PPM1L: variants seen among roughly 807,000 people sequenced by gnomAD.
PPM1L encodes the protein protein phosphatase 1L.
In PPM1L, 13 loss-of-function variants were observed where a neutral mutation model predicts 31.4. The ratio of observed to expected loss-of-function variants is 0.41; its 90% CI spans 0.27 to 0.66. PPM1L has a LOEUF of 0.66. Among genes scored for constraint, PPM1L ranks in the 30% least tolerant of loss-of-function variants. The pLI, the probability that PPM1L is intolerant of heterozygous loss-of-function variation, is 0.29. For synonymous variants in PPM1L, 184 were observed against 175.4 expected (o/e 1.05, Z -0.39); for missense variants, 326 against 453.7 (o/e 0.72, Z 2.56).
chr3:160,885,447 A>G (rs564292463), intron 1 of PPM1L, among the ~76,000 whole-genome samples: 1 of 152,324 alleles, frequency 6.6e-6, no homozygotes, highest in South Asian at 2.1e-4. Context: ...GCCAACTACA[A>G]ACAGTGGTGA....
chr3:160,878,632 CA>C (rs1165700203), intron 1 of PPM1L, among the ~76,000 whole-genome samples: 2 of 152,180 alleles, frequency 1.3e-5, no homozygotes, highest in Non-Finnish European at 2.9e-5. Context: ...AGGGTTTCAT[CA>C]TATGAATTTT....
intron 1 of PPM1L, among the ~76,000 whole-genome samples, chr3:160,912,564 G>A (rs546163820): frequency 2.0e-5 from 3 of 152,248 alleles, no homozygotes; most frequent in South Asian, 2.1e-4. Flanking sequence ...CTTTTACTAA[G>A]GTCTGAAATG....
rs1265895269 is a variant in PPM1L, at chr3:161,070,629, C to CA, written c.*1475dup. 2 of 152,172 alleles carry CA rather than the reference C, an allele frequency of 1.3e-5. No individual in the cohort carries two copies. Among genetic ancestry groups the CA allele is most frequent in the African/African-American group, 4.8e-5 (2 of 41,448 alleles). The allele number at this position is 152,172 out of a possible 1,614,324, so 9.4% of individuals were successfully genotyped here. ...GTCACTCTCTTTGCCTAAGGTGACTCAAACAGCCAAACGAAACTTCCGTTG... is the reference window on the plus strand; with the variant it reads ...GTCACTCTCTTTGCCTAAGGTGACTCAAAACAGCCAAACGAAACTTCCGTTG... On this transcript the variant is annotated 3_prime_UTR_variant, in exon 4 of 4. Transcript: ENST00000498165.
At chr3:160,881,970 G>A (rs1712735797) in intron 1 of PPM1L, among the ~76,000 whole-genome samples, 1 of 151,508 alleles carries the variant, frequency 6.6e-6, no homozygotes, top group Non-Finnish European at 1.5e-5. Context: ...AGAATGGTGT[G>A]AACTCGGGAA....
chr3:161,051,400 AC>A (rs1369472765), intron 2 of PPM1L, among the ~76,000 whole-genome samples: 6 of 151,974 alleles, frequency 3.9e-5, no homozygotes, highest in African/African-American at 1.2e-4. Flanking sequence ...ACACACACAC[AC>A]ACAACCATCC....
At chr3:160,757,651 C>T (rs1381083001) in intron 1 of PPM1L, among the ~76,000 whole-genome samples, 1 of 152,240 alleles carries the variant, frequency 6.6e-6, no homozygotes, top group Non-Finnish European at 1.5e-5. Flanking sequence ...CGCCATGCTC[C>T]AAAGAACACT....
At chr3:161,059,452 G>T (rs1040544376) in intron 2 of PPM1L, among the ~76,000 whole-genome samples, 3 of 152,158 alleles carry the variant, frequency 2.0e-5, no homozygotes, top group African/African-American at 7.2e-5. Flanking sequence ...GGACAATGGT[G>T]TTGTCCATTG....
At chr3:161,023,893 C>T (rs1718304393) in intron 2 of PPM1L, among the ~76,000 whole-genome samples, 1 of 152,066 alleles carries the variant, frequency 6.6e-6, no homozygotes, top group Non-Finnish European at 1.5e-5. Flanking sequence ...GTCTTTTCTG[C>T]ACATGCACAC....
At chr3:160,920,445 C>A (rs1161922869) in intron 1 of PPM1L, among the ~76,000 whole-genome samples, 1 of 152,060 alleles carries the variant, frequency 6.6e-6, no homozygotes, top group Non-Finnish European at 1.5e-5. Flanking sequence ...ACCTGAAGAC[C>A]ACCAAAGCCT....
intron 1 of PPM1L, among the ~76,000 whole-genome samples, chr3:160,899,443 A>G (rs1244378896): frequency 6.6e-6 from 1 of 152,212 alleles, no homozygotes; most frequent in Non-Finnish European, 1.5e-5. Context: ...TTAATTCCAA[A>G]TAGAAGGCAC....
At chr3:160,865,290 C>T (rs77647834) in intron 1 of PPM1L, among the ~76,000 whole-genome samples, 1 of 152,110 alleles carries the variant, frequency 6.6e-6, no homozygotes, top group Non-Finnish European at 1.5e-5. Flanking sequence ...ACATGTTCAT[C>T]AAATCCTAGA....
At chr3:160,862,036 G>A (rs924869785) in intron 1 of PPM1L, among the ~76,000 whole-genome samples, 6 of 152,030 alleles carry the variant, frequency 3.9e-5, no homozygotes, top group African/African-American at 4.8e-5. Context: ...GCAGAGTCCC[G>A]TTTGCCATGT....
intron 2 of PPM1L, 30 bp from the exon 3 acceptor site, chr3:161,065,373 C>T (rs1318728248): frequency 9.3e-6 from 15 of 1,608,508 alleles, no homozygotes; most frequent in Non-Finnish European, 1.3e-5. Flanking sequence ...CTGCTGACCT[C>T]CCGCGTTCTC....
chr3:161,002,058 A>G (rs814092), intron 2 of PPM1L, among the ~76,000 whole-genome samples: 19,669 of 149,056 alleles, frequency 0.13, 1,447 homozygotes, highest in East Asian at 0.28. Context: ...TCATTGTTCA[A>G]TTCCCACCTA....
chr3:160,836,348 GA>G (rs1713716063), intron 1 of PPM1L, among the ~76,000 whole-genome samples: 1 of 152,182 alleles, frequency 6.6e-6, no homozygotes, highest in Admixed American at 6.6e-5. Context: ...GAGAGAAAGA[GA>G]GAGAGAGACA....
chr3:160,957,987 T>A (rs184843052), intron 1 of PPM1L, among the ~76,000 whole-genome samples: 17 of 152,334 alleles, frequency 1.1e-4, no homozygotes, highest in Admixed American at 8.5e-4. Context: ...TCGTGTCCTT[T>A]GCCCACTTTT....
intron 2 of PPM1L, among the ~76,000 whole-genome samples, chr3:161,045,698 T>G (rs1194709035): frequency 6.6e-6 from 1 of 151,980 alleles, no homozygotes; most frequent in South Asian, 2.1e-4. Context: ...ACCCTAACAT[T>G]ACAATTAAAG....
intron 1 of PPM1L, among the ~76,000 whole-genome samples, chr3:160,878,584 C>G (rs140902747): frequency 1.3e-5 from 2 of 152,256 alleles, no homozygotes; most frequent in Admixed American, 6.5e-5. Flanking sequence ...ACTTACTTCT[C>G]AAAGGCCCCA....
chr3:160,887,502 C>T (rs776277478), intron 1 of PPM1L, among the ~76,000 whole-genome samples: 1 of 151,986 alleles, frequency 6.6e-6, no homozygotes, highest in Non-Finnish European at 1.5e-5. Flanking sequence ...CAAAGGGAAG[C>T]CCATCAGATT....
Sources: gnomAD v4.1 joint callset for allele counts (sites outside exome capture counted in the v4.1 genomes callset) on GRCh38, gnomAD v4.1.1 for gene constraint, MANE v1.5 for transcripts, NCBI Gene and HGNC (gene_info 2026-07-23, HGNC 2026-07-21) for gene names.